The following SULF2 variants were observed in gnomAD, a reference collection of about 807,000 sequenced individuals.
SULF2 encodes extracellular sulfatase Sulf-2.
Under a neutral mutation model 107.7 loss-of-function variants are expected in SULF2, and 52 were observed. The ratio of observed to expected loss-of-function variants is 0.48; its 90% confidence interval spans 0.39 to 0.61. The LOEUF is 0.61. Ranked by LOEUF, SULF2 falls within the 20% of genes least tolerant of loss-of-function variation. The pLI is 0.00. For synonymous variants in SULF2, 460 were observed against 464.3 expected, an observed-to-expected ratio of 0.99 and a Z score of 0.12; for missense variants, 993 against 1,177.3, an observed-to-expected ratio of 0.84 and a Z score of 2.29.
intron 1 of SULF2, among the ~76,000 whole-genome samples, chr20:47,772,732 C>T (rs1164882293): frequency 6.6e-6 from 1 of 152,116 alleles, no homozygotes; most frequent in Non-Finnish European, 1.5e-5. Flanking sequence ...CCTGCCATGA[C>T]CTGCTTATGA....
At chr20:47,723,702 T>TG (rs1447000003) in intron 3 of SULF2, among the ~76,000 whole-genome samples, 1 of 152,202 alleles carries the variant, frequency 6.6e-6, no homozygotes, top group African/African-American at 2.4e-5. Context: ...GACAATCTAA[T>TG]GCCTGATGAT....
At chr20:47,736,245 GT>G (rs1056059680) in intron 3 of SULF2, among the ~76,000 whole-genome samples, 1 of 152,106 alleles carries the variant, frequency 6.6e-6, no homozygotes, top group Non-Finnish European at 1.5e-5. Context: ...CACCACCTTG[GT>G]TACTGCCACG....
intron 7 of SULF2, among the ~76,000 whole-genome samples, chr20:47,682,351 G>A (rs1305257367): frequency 1.3e-5 from 2 of 152,220 alleles, no homozygotes; most frequent in Admixed American, 1.3e-4. Flanking sequence ...CAACACATCT[G>A]CTTTTCAAAA....
At position 47,684,457 on chromosome 20, in the gene SULF2, T is replaced by A. The variant is rs775285594; in HGVS notation, c.862A>T (p.Met288Leu). The A allele has an allele frequency of 3.1e-6, 5 of 1,612,914 alleles. No individual in the cohort carries two copies. The highest frequency in any genetic ancestry group is 2.7e-5 in the African/African-American group (2 of 74,732). ...MLQRKRLQTL[M>L]SVDDSMETIY... ...GTCTCCATGGAGTCGTCCACCGACA[T>A]GAGGGTCTGCAAGCGCTTCCGCTGG... The change falls in exon 6 of 21, where the codon ATG (methionine) becomes TTG (leucine). Residue 288 changes from methionine to leucine, a missense_variant. This residue lies in a region of SULF2 where 388 missense variants were observed against 449.2 expected (regional missense o/e 0.86). Transcript: ENST00000688720.
chr20:47,672,325 C>T lies in SULF2; in HGVS notation c.1449G>A (p.Leu483=), dbSNP rs2087504419. ...KLHKCKGPMR[L]GGSRALSNLV... ...GGTTGGAGAGGGCTCTGCTGCCGCCCAGCCGCATGGGGCCCTTGCACTTAT... is the reference window on the plus strand; with the variant it reads ...GGTTGGAGAGGGCTCTGCTGCCGCCTAGCCGCATGGGGCCCTTGCACTTAT... The change falls in exon 11 of 21, where the codon CTG becomes CTA. Residue 483 remains leucine, a synonymous_variant. Coordinates refer to ENST00000688720, the MANE Select transcript of SULF2 (RefSeq NM_001387048.1). 6 of 1,613,206 alleles carry T rather than the reference C, an allele frequency of 3.7e-6. No individual in the cohort carries two copies. The highest frequency in any genetic ancestry group is 5.1e-6 in the Non-Finnish European group (6 of 1,179,988).
intron 11 of SULF2, among the ~76,000 whole-genome samples, chr20:47,668,560 C>T (rs2087352957): frequency 6.6e-6 from 1 of 152,254 alleles, no homozygotes. Context: ...AATCAGATGG[C>T]TCAGGTGCAA....
At chr20:47,752,156 A>G (rs1466945644) in intron 2 of SULF2, among the ~76,000 whole-genome samples, 1 of 152,224 alleles carries the variant, frequency 6.6e-6, no homozygotes, top group Non-Finnish European at 1.5e-5. Flanking sequence ...GCTGTAGACA[A>G]ACAACACTGT....
At chr20:47,710,224 G>C (rs1426603344) in intron 3 of SULF2, among the ~76,000 whole-genome samples, 1 of 148,690 alleles carries the variant, frequency 6.7e-6, no homozygotes, top group East Asian at 1.9e-4. Context: ...TTTTAGTAGA[G>C]ATGGGGTGTC....
upstream of SULF2, chr20:47,786,080 G>A (rs1276660132): frequency 1.3e-5 from 2 of 152,228 alleles, no homozygotes; most frequent in African/African-American, 4.8e-5. Context: ...CGCCCTCGGC[G>A]GAGAGTTGAA....
At chr20:47,755,830 C>T (rs1000762220) in intron 2 of SULF2, among the ~76,000 whole-genome samples, 11 of 152,116 alleles carry the variant, frequency 7.2e-5, no homozygotes, top group Non-Finnish European at 1.5e-4. Flanking sequence ...GCCACAAGGC[C>T]TGGTGCAACC....
At position 47,682,815 on chromosome 20, in the gene SULF2, G is replaced by A. The variant is rs923342486; in HGVS notation, c.1064+179C>T. Among the ~76,000 whole-genome samples, 93 of 152,124 alleles carry A rather than the reference G, an allele frequency of 6.1e-4. 1 individual carries two copies. The highest frequency in any genetic ancestry group is 2.1e-3 in the African/African-American group (87 of 41,422). ...TTTCCACAGGTGCTAACAGCTCCCGGCCTCTCCTTCCCCAGCAGAGGGATA... is the reference window on the plus strand; with the variant it reads ...TTTCCACAGGTGCTAACAGCTCCCGACCTCTCCTTCCCCAGCAGAGGGATA... On this transcript the variant is annotated intron_variant, in intron 7 of 20. Transcript: ENST00000688720.
At chr20:47,725,733 C>T (rs2089422936) in intron 3 of SULF2, among the ~76,000 whole-genome samples, 1 of 152,204 alleles carries the variant, frequency 6.6e-6, no homozygotes, top group Admixed American at 6.5e-5. Context: ...ACCCAGCCTG[C>T]CTCTCTGCTT....
At chr20:47,758,729 C>A (rs950537804) in intron 1 of SULF2, among the ~76,000 whole-genome samples, 1 of 152,146 alleles carries the variant, frequency 6.6e-6, no homozygotes, top group African/African-American at 2.4e-5. Flanking sequence ...CAAGTCCTGT[C>A]CAGATATAGA....
At chr20:47,684,178 T>C (rs2087919132) in intron 6 of SULF2, among the ~76,000 whole-genome samples, 1 of 152,138 alleles carries the variant, frequency 6.6e-6, no homozygotes, top group Non-Finnish European at 1.5e-5. Context: ...AAAATGTAAA[T>C]AGCAGGAAAA....
chr20:47,755,383 T>C (rs1325578007), intron 2 of SULF2, among the ~76,000 whole-genome samples: 1 of 152,246 alleles, frequency 6.6e-6, no homozygotes, highest in Non-Finnish European at 1.5e-5. Context: ...GTTGGTTTTA[T>C]TCACAAGTCA....
chr20:47,681,443 C>A (rs573444664), intron 7 of SULF2, among the ~76,000 whole-genome samples: 2 of 152,242 alleles, frequency 1.3e-5, no homozygotes, highest in African/African-American at 4.8e-5. Context: ...CGAGGCTGAC[C>A]AAACCCCCAA....
chr20:47,685,756 C>G (rs774994213), intron 5 of SULF2: 7 of 152,246 alleles, frequency 4.6e-5, no homozygotes, highest in Non-Finnish European at 8.8e-5. Flanking sequence ...CTCAGGTGAT[C>G]CACCCACCTT....
chr20:47,741,471 C>G (rs533559276), intron 2 of SULF2, among the ~76,000 whole-genome samples: 1 of 152,256 alleles, frequency 6.6e-6, no homozygotes, highest in Non-Finnish European at 1.5e-5. Context: ...TTTCTACTCC[C>G]TTCCTTGCCT....
At chr20:47,754,308 C>T (rs762883226) in intron 2 of SULF2, among the ~76,000 whole-genome samples, 2 of 152,234 alleles carry the variant, frequency 1.3e-5, no homozygotes, top group Admixed American at 6.5e-5. Flanking sequence ...AACTGCTGCA[C>T]GGATGGGCAG....
Sources: gnomAD v4.1 joint callset for allele counts (sites outside exome capture counted in the v4.1 genomes callset) on GRCh38, gnomAD v4.1.1 for gene constraint, gnomAD v4.1.1 regional missense constraint, MANE v1.5 for transcripts, NCBI Gene and HGNC (gene_info 2026-07-23, HGNC 2026-07-21) for gene names.